GLDC: variants seen among roughly 807,000 people sequenced by gnomAD.
GLDC encodes glycine dehydrogenase (decarboxylating), mitochondrial.
GLDC carries 104 observed loss-of-function variants against 121.3 expected under a neutral mutation model. The ratio of observed to expected loss-of-function variants is 0.86; its 90% CI spans 0.73 to 1.01. The LOEUF (loss-of-function observed/expected upper bound fraction) is 1.01, where lower values mean the gene tolerates loss of function less well. Among genes scored for constraint, GLDC ranks in the 50% least tolerant of loss-of-function variants. GLDC has a pLI of 0.00. For missense variants in GLDC, 1,429 were observed against 1,306.6 expected, an observed-to-expected ratio of 1.09 and a Z score of -1.44; for synonymous variants, 546 against 480.6, an observed-to-expected ratio of 1.14 and a Z score of -1.78.
chr9:6,537,972 C>T (rs935034637), intron 22 of GLDC, among the ~76,000 whole-genome samples: 23 of 152,168 alleles, frequency 1.5e-4, no homozygotes, highest in African/African-American at 4.1e-4. Context: ...AACCCTTCAG[C>T]ATATATATCA....
At chr9:6,561,559 G>A (rs912042538) in intron 16 of GLDC, among the ~76,000 whole-genome samples, 1 of 152,168 alleles carries the variant, frequency 6.6e-6, no homozygotes, top group Non-Finnish European at 1.5e-5. Context: ...TGAGGCATGA[G>A]AATCACTTGA....
intron 21 of GLDC, 167 bp from the exon 22 acceptor site, chr9:6,540,313 A>G: frequency 3.1e-6 from 2 of 638,658 alleles, no homozygotes; most frequent in African/African-American, 1.8e-5. Context: ...TAAAGGTTTC[A>G]TTTAGTCTTA....
chr9:6,574,179 G>T (rs1035063580), intron 15 of GLDC, among the ~76,000 whole-genome samples: 1 of 152,158 alleles, frequency 6.6e-6, no homozygotes, highest in African/African-American at 2.4e-5. Context: ...CCAGACAATA[G>T]AAAGCATCAA....
intron 2 of GLDC, among the ~76,000 whole-genome samples, chr9:6,641,681 A>G (rs1261393090): frequency 6.6e-6 from 1 of 152,194 alleles, no homozygotes; most frequent in African/African-American, 2.4e-5. Flanking sequence ...TAATACATGA[A>G]AGCACGTTAA....
At chr9:6,591,642 T>TGGCG (rs1818376522) in intron 11 of GLDC, among the ~76,000 whole-genome samples, 1 of 152,168 alleles carries the variant, frequency 6.6e-6, no homozygotes. Context: ...TAGAGTGCAA[T>TGGCG]GGCGCAATCT....
intron 15 of GLDC, among the ~76,000 whole-genome samples, chr9:6,569,833 A>C (rs1353165709): frequency 6.7e-6 from 1 of 149,886 alleles, no homozygotes; most frequent in Non-Finnish European, 1.5e-5. Context: ...AAAATTAGCC[A>C]GGTGTGGTGG....
chr9:6,560,858 T>C (rs1382439717), intron 16 of GLDC, among the ~76,000 whole-genome samples: 3 of 152,146 alleles, frequency 2.0e-5, no homozygotes, highest in East Asian at 3.9e-4. Flanking sequence ...GATCTTGAGA[T>C]GGAAAAATTC....
At chr9:6,595,679 A>G (rs937140430) in intron 8 of GLDC, among the ~76,000 whole-genome samples, 1 of 152,162 alleles carries the variant, frequency 6.6e-6, no homozygotes, top group Non-Finnish European at 1.5e-5. Context: ...GGCAATGCGC[A>G]CTTCAGCTGG....
chr9:6,633,094 G>A (rs1488348446), intron 2 of GLDC, among the ~76,000 whole-genome samples: 3 of 152,094 alleles, frequency 2.0e-5, no homozygotes, highest in African/African-American at 2.4e-5. Flanking sequence ...CAGAGAGATC[G>A]TCAGAAATGC....
chr9:6,548,917 A>G (rs1260197998), intron 21 of GLDC, among the ~76,000 whole-genome samples: 1 of 152,146 alleles, frequency 6.6e-6, no homozygotes, highest in Non-Finnish European at 1.5e-5. Context: ...ATATAACTAC[A>G]TCCTACTGAA....
intron 3 of GLDC, among the ~76,000 whole-genome samples, chr9:6,613,650 G>C (rs370199622): frequency 6.6e-6 from 1 of 152,080 alleles, no homozygotes. Context: ...TATTTAACGA[G>C]TTCCTTCCAG....
intron 16 of GLDC, among the ~76,000 whole-genome samples, chr9:6,562,872 T>A (rs536101930): frequency 1.3e-5 from 2 of 152,352 alleles, no homozygotes; most frequent in African/African-American, 4.8e-5. Flanking sequence ...AATTAAAATT[T>A]CTGATCCAGA....
At chr9:6,542,101 G>C (rs1277898083) in intron 21 of GLDC, 1 of 152,182 alleles carries the variant, frequency 6.6e-6, no homozygotes, top group Admixed American at 6.5e-5. Context: ...TTAGCTGGGC[G>C]TGGTGGCGCA....
At chr9:6,645,193 AG>A in intron 1 of GLDC, 51 bp downstream of exon 1, 1 of 1,510,498 alleles carries the variant, frequency 6.6e-7, no homozygotes, top group Non-Finnish European at 8.9e-7. Context: ...GCGCAGGCAG[AG>A]CCCGGGCAGG....
At chr9:6,566,691 G>A (rs1414228695) in intron 15 of GLDC, among the ~76,000 whole-genome samples, 1 of 152,194 alleles carries the variant, frequency 6.6e-6, no homozygotes, top group Non-Finnish European at 1.5e-5. Flanking sequence ...GAAGGGAAAT[G>A]AGTAATAGAT....
At chr9:6,611,291 C>G (rs573777770) in intron 3 of GLDC, among the ~76,000 whole-genome samples, 2 of 152,238 alleles carry the variant, frequency 1.3e-5, no homozygotes, top group Admixed American at 6.5e-5. Context: ...CAGGCGAGAG[C>G]TACCACACCT....
rs758183907 is a variant in GLDC, at chr9:6,589,152, T to A, written c.1580+43A>T. ...GCACTCTGCCTAACTCCCTAGCTGA[T>A]TACCAAAGCACAAAACGCAGAAGTC... On this transcript the variant is annotated intron_variant, in intron 12 of 24. Coordinates refer to ENST00000321612, the MANE Select transcript of GLDC (RefSeq NM_000170.3). The A allele has an allele frequency of 9.2e-6, 11 of 1,190,250 alleles. No homozygotes were observed. The South Asian group carries it at 1.3e-4, about 14-fold the overall frequency. 73.7% of individuals were successfully genotyped at this position (1,190,250 alleles called of 1,614,324 possible).
chr9:6,540,110 G>T lies in GLDC; in HGVS notation c.2606C>A (p.Pro869His). ...VGHEFILDTR[P>H]FKKSANIEAV... ...CTCAATATTTGCAGACTTTTTGAAG[G>T]GTCTCGTGTCCAAAATAAATTCATG... Residue 869 changes from proline to histidine, a missense_variant, in exon 22 of 25, where the codon CCC (proline) becomes CAC (histidine). Transcript: ENST00000321612. The T allele has an allele frequency of 6.2e-7, 1 of 1,613,162 alleles. No homozygotes were observed. Among genetic ancestry groups the T allele is most frequent in the Non-Finnish European group, 8.5e-7 (1 of 1,179,222 alleles).
intron 5 of GLDC, 138 bp downstream of exon 5, chr9:6,606,454 C>G (rs993119939): frequency 1.4e-6 from 1 of 708,144 alleles, no homozygotes; most frequent in African/African-American, 1.8e-5. Flanking sequence ...TAAGGCAAAA[C>G]TCAGCAACCC....
Sources: gnomAD v4.1 joint callset for allele counts (sites outside exome capture counted in the v4.1 genomes callset) on GRCh38, gnomAD v4.1.1 for gene constraint, MANE v1.5 for transcripts, NCBI Gene and HGNC (gene_info 2026-07-23, HGNC 2026-07-21) for gene names.